Variants in HLCS observed in about 807,000 individuals in gnomAD.
HLCS encodes the protein biotin--protein ligase.
In HLCS, 53 loss-of-function variants were observed where a neutral mutation model predicts 75.0. The observed-to-expected ratio is 0.71, with a 90% CI of 0.57 to 0.89. The LOEUF (loss-of-function observed/expected upper bound fraction) is 0.89, where lower values mean the gene tolerates loss of function less well. HLCS is among the 40% of genes least tolerant of loss of function. HLCS has a pLI of 0.00. For missense variants in HLCS, 966 were observed against 1,074.0 expected, an observed-to-expected ratio of 0.90 and a Z score of 1.41; for synonymous variants, 431 against 428.6, an observed-to-expected ratio of 1.01 and a Z score of -0.07.
chr21:36,773,896 A>G (rs2060279948), intron 6 of HLCS, among the ~76,000 whole-genome samples: 1 of 152,230 alleles, frequency 6.6e-6, no homozygotes, highest in Non-Finnish European at 1.5e-5. Context: ...CATTGTAAAA[A>G]CCAACCATTA....
chr21:36,945,748 C>A (rs555611220), intron 2 of HLCS, among the ~76,000 whole-genome samples: 1 of 152,180 alleles, frequency 6.6e-6, no homozygotes, highest in Non-Finnish European at 1.5e-5. Flanking sequence ...AATGATTGCA[C>A]AACTTTGTGA....
Position 36,793,295 on chromosome 21 carries a change from C to CTTTTTTTTTTTTTTTTTTTTTTT in HLCS, c.1893-26011_1893-26010insAAAAAAAAAAAAAAAAAAAAAAA, listed in dbSNP as rs761549990. Among the ~76,000 whole-genome samples, 103 of 116,228 alleles carry CTTTTTTTTTTTTTTTTTTTTTTT rather than the reference C, an allele frequency of 8.9e-4. 4 individuals are homozygous for CTTTTTTTTTTTTTTTTTTTTTTT. Among genetic ancestry groups the CTTTTTTTTTTTTTTTTTTTTTTT allele is most frequent in the African/African-American group, 3.1e-3 (97 of 31,130 alleles). The allele number at this position is 116,228 out of a possible 152,430, so 76.3% of individuals were successfully genotyped here. ...AGAACACGGGACAGCAGGAAGCAGT[C>CTTTTTTTTTTTTTTTTTTTTTTT]TTTTTTTTTTTTTTTTTTGAGATAG... On this transcript the variant is annotated intron_variant, in intron 6 of 10. Transcript: ENST00000674895.
Position 36,896,781 on chromosome 21 carries a change from C to A in HLCS, c.1892+79G>T. On this transcript the variant is annotated intron_variant, in intron 6 of 10. Coordinates refer to ENST00000674895, the MANE Select transcript of HLCS (RefSeq NM_001352514.2). ...AACGTATTCCTCTACAACTCTATCCCCTCCCCGTCTATTGGTAAGAGAGGA... is the reference window on the plus strand; with the variant it reads ...AACGTATTCCTCTACAACTCTATCCACTCCCCGTCTATTGGTAAGAGAGGA... The A allele has an allele frequency of 4.0e-6, 6 of 1,499,184 alleles. No individual in the cohort carries two copies. In the South Asian group the frequency reaches 6.8e-5, roughly 17 times the overall value. The allele number at this position is 1,499,184 out of a possible 1,614,324, so 92.9% of individuals were successfully genotyped here. A position where few individuals can be genotyped will look rare whatever the true frequency, so the allele number is the denominator to read the frequency against.
chr21:36,970,595 C>T (rs1045888978), upstream of HLCS, among the ~76,000 whole-genome samples: 6 of 152,124 alleles, frequency 3.9e-5, no homozygotes. Flanking sequence ...TCTCGAACTC[C>T]TGGATTCAAG....
Position 36,937,165 on chromosome 21 carries a change from C to G in HLCS, c.721G>C (p.Gly241Arg), listed in dbSNP as rs1569218259. 1 of 1,614,128 alleles carries G rather than the reference C, an allele frequency of 6.2e-7. No individual in the cohort carries two copies. The highest frequency in any genetic ancestry group is 8.5e-7 in the Non-Finnish European group (1 of 1,180,026). Residue 241 changes from glycine to arginine, a missense_variant, in exon 4 of 11, where the codon GGC (glycine) becomes CGC (arginine). Coordinates refer to ENST00000674895, the MANE Select transcript of HLCS (RefSeq NM_001352514.2). ...EPAGDSDRGGGPVEHYHLHLS... is the reference protein window; with the variant it reads ...EPAGDSDRGGRPVEHYHLHLS... ...TGGAGGTGATAATGCTCAACGGGGCCCCCTCCCCTGTCACTGTCCCCAGCA... is the reference window on the plus strand; with the variant it reads ...TGGAGGTGATAATGCTCAACGGGGCGCCCTCCCCTGTCACTGTCCCCAGCA...
chr21:36,905,811 G>A (rs1016880944), intron 5 of HLCS, among the ~76,000 whole-genome samples: 6 of 152,106 alleles, frequency 3.9e-5, no homozygotes, highest in Non-Finnish European at 8.8e-5. Flanking sequence ...CAGCCCTTTG[G>A]GAGGCCAAAG....
Position 36,756,669 on chromosome 21 carries a change from G to A in HLCS, c.2323C>T (p.Leu775=). 1 of 1,614,126 alleles carries A rather than the reference G, an allele frequency of 6.2e-7. No homozygotes were observed. ...TEYNKQHKAE[L]KPLRADYLIA... is the part of the protein sequence containing the mutation. ...AGATAATCGGCTCTTAAGGGCTTCA[G>A]TTCTGCCTTGTGTTGTTTATTGTAT... The change falls in exon 10 of 11, where the codon CTG becomes TTG. Residue 775 remains leucine, a synonymous_variant. Coordinates refer to ENST00000674895, the MANE Select transcript of HLCS (RefSeq NM_001352514.2).
rs10555694 is a variant in HLCS, at chr21:36,960,131, ACCCC to A, written c.330+1901_330+1904del. 7.1e-4 allele frequency among the ~76,000 whole-genome samples: 55 copies of A among 77,786 alleles called. 1 individual carries two copies. Among genetic ancestry groups the A allele is most frequent in the South Asian group, 2.6e-3 (5 of 1,944 alleles). The allele number at this position is 77,786 out of a possible 152,430, so 51.0% of individuals were successfully genotyped here. A position where few individuals can be genotyped will look rare whatever the true frequency, so the allele number is the denominator to read the frequency against. On this transcript the variant is annotated intron_variant, in intron 2 of 10. Transcript: ENST00000674895. Reference sequence around the variant, plus strand: ...GCCACAGCCTTGCATGGAGCCACCCACCCCCCCCCCCCCCGACCCTGCACTTCTC... The same window carrying A: ...GCCACAGCCTTGCATGGAGCCACCCACCCCCCCCCCGACCCTGCACTTCTC...
chr21:36,947,874 A>T, intron 2 of HLCS: 1 of 985,454 alleles, frequency 1.0e-6, no homozygotes, highest in South Asian at 4.7e-5. Context: ...CAGATCACGG[A>T]TGCTGCTAAT....
chr21:36,787,415 G>A (rs545146297), intron 6 of HLCS, among the ~76,000 whole-genome samples: 59 of 152,308 alleles, frequency 3.9e-4, no homozygotes, highest in African/African-American at 1.2e-3. Flanking sequence ...GTTAAGACCC[G>A]CAGGGGTCAC....
chr21:36,751,072 A>G lies in HLCS; in HGVS notation c.*3174T>C, dbSNP rs943521760. ...ACTTGGAAATACGTACATATTCCTT[A>G]CTATGTAAAACACTTTATTTATTTT... On this transcript the variant is annotated 3_prime_UTR_variant, in exon 11 of 11. Coordinates refer to ENST00000674895, the MANE Select transcript of HLCS (RefSeq NM_001352514.2). The G allele has an allele frequency of 1.3e-5, 2 of 149,614 alleles. No homozygotes were observed. Among genetic ancestry groups the G allele is most frequent in the Non-Finnish European group, 3.0e-5 (2 of 67,292 alleles). 9.3% of individuals were successfully genotyped at this position (149,614 alleles called of 1,614,324 possible). A position where few individuals can be genotyped will look rare whatever the true frequency, so the allele number is the denominator to read the frequency against.
intron 6 of HLCS, among the ~76,000 whole-genome samples, chr21:36,890,466 G>C (rs981980961): frequency 7.9e-5 from 12 of 152,174 alleles, no homozygotes; most frequent in South Asian, 2.1e-4. Context: ...GGGGTGGAGG[G>C]GACTCAGTCA....
intron 6 of HLCS, among the ~76,000 whole-genome samples, chr21:36,852,345 C>G (rs2063040597): frequency 6.6e-6 from 1 of 152,186 alleles, no homozygotes; most frequent in Admixed American, 6.5e-5. Flanking sequence ...CTGAACATTA[C>G]CATGGAGCCC....
chr21:36,969,034 TG>T (rs1181954568), upstream of HLCS, among the ~76,000 whole-genome samples: 2 of 152,186 alleles, frequency 1.3e-5, no homozygotes, highest in Non-Finnish European at 2.9e-5. Flanking sequence ...GTTAAAAGCA[TG>T]GGGACCACCA....
intron 6 of HLCS, among the ~76,000 whole-genome samples, chr21:36,782,012 C>A (rs1041126416): frequency 1.9e-4 from 28 of 151,052 alleles, no homozygotes; most frequent in African/African-American, 6.1e-4. Flanking sequence ...AATATTAAAC[C>A]AATCTTGCAT....
At chr21:36,942,627 A>G (rs1254852221) in intron 2 of HLCS, among the ~76,000 whole-genome samples, 1 of 152,202 alleles carries the variant, frequency 6.6e-6, no homozygotes, top group Non-Finnish European at 1.5e-5. Flanking sequence ...GAAGAAATAG[A>G]TAAATTGAAC....
intron 6 of HLCS, among the ~76,000 whole-genome samples, chr21:36,788,079 C>A (rs145142964): frequency 4.5e-4 from 69 of 152,316 alleles, no homozygotes; most frequent in African/African-American, 1.6e-3. Flanking sequence ...AACTGTGGGG[C>A]CACCACTCCC....
At chr21:36,946,936 T>C (rs1023872713) in intron 2 of HLCS, among the ~76,000 whole-genome samples, 3 of 152,054 alleles carry the variant, frequency 2.0e-5, no homozygotes, top group Admixed American at 1.3e-4. Context: ...GCTTTGGGAA[T>C]GGGGGAAAGG....
intron 6 of HLCS, among the ~76,000 whole-genome samples, chr21:36,870,195 C>T (rs1179312269): frequency 3.3e-5 from 5 of 152,106 alleles, no homozygotes; most frequent in Non-Finnish European, 5.9e-5. Flanking sequence ...CTCTGGCCAC[C>T]AGTGACCTGG....
Sources: gnomAD v4.1 joint callset for allele counts (sites outside exome capture counted in the v4.1 genomes callset) on GRCh38, gnomAD v4.1.1 for gene constraint, MANE v1.5 for transcripts, NCBI Gene and HGNC (gene_info 2026-07-23, HGNC 2026-07-21) for gene names.